The following WDR19 variants were observed in gnomAD, a reference collection of about 807,000 sequenced individuals.
The protein encoded by WDR19 is WD repeat-containing protein 19.
WDR19 carries 121 observed loss-of-function variants against 180.0 expected under a neutral mutation model. That is an observed-to-expected ratio of 0.67 (90% CI 0.58 to 0.78). The LOEUF (loss-of-function observed/expected upper bound fraction) is 0.78. Ranked by LOEUF, WDR19 falls within the 30% of genes least tolerant of loss-of-function variation. The pLI, the probability that WDR19 is intolerant of heterozygous loss-of-function variation, is 0.00. For synonymous variants in WDR19, 497 were observed against 540.7 expected (o/e 0.92, Z 1.12); for missense variants, 1,450 against 1,640.7 (o/e 0.88, Z 2.01).
intron 33 of WDR19, chr4:39,275,339 C>CAAAAAAAA: frequency 9.6e-6 from 1 of 103,638 alleles, no homozygotes; most frequent in Non-Finnish European, 1.9e-5. Flanking sequence ...GACCCCATCT[C>CAAAAAAAA]AAAAAAAAAA....
intron 24 of WDR19, among the ~76,000 whole-genome samples, chr4:39,246,740 G>A (rs772299352): frequency 4.6e-5 from 7 of 152,288 alleles, no homozygotes; most frequent in South Asian, 4.1e-4. Flanking sequence ...CTACACCCAC[G>A]GAGCCTCACT....
Position 39,185,803 on chromosome 4 carries a change from C to T in WDR19, c.84C>T (p.Tyr28=). 1 of 1,553,130 alleles carries T rather than the reference C, an allele frequency of 6.4e-7. No individual in the cohort carries two copies. Among genetic ancestry groups the T allele is most frequent in the East Asian group, 2.4e-5 (1 of 41,302 alleles). Residue 28 remains tyrosine (Y), a synonymous_variant, in exon 2 of 37, where the codon TAC becomes TAT. Coordinates refer to ENST00000399820, the MANE Select transcript of WDR19 (RefSeq NM_025132.4). ...CCTGGCAAAAAACATCAGGAAACTA[C>T]CTTGCAGTAACAGGGTAAGAAACCA... ...QFAWQKTSGN[Y]LAVTGADYIV...
intron 14 of WDR19, among the ~76,000 whole-genome samples, chr4:39,220,559 G>GGTTTT (rs1491452795): frequency 2.5e-5 from 1 of 39,806 alleles, no homozygotes; most frequent in African/African-American, 9.2e-5. Context: ...AGACCTCCTT[G>GGTTTT]ATTTTTTTTT....
intron 19 of WDR19, 134 bp from the exon 20 acceptor site, chr4:39,234,632 T>G (rs994031423): frequency 1.5e-6 from 1 of 675,504 alleles, no homozygotes; most frequent in East Asian, 2.8e-5. Flanking sequence ...AGTAATATAT[T>G]ATCATTGTAA....
chr4:39,253,110 T>C (rs1164839754), intron 24 of WDR19, 36 bp from the exon 25 acceptor site: 1 of 1,540,558 alleles, frequency 6.5e-7, no homozygotes, highest in African/African-American at 1.4e-5. Context: ...AAATTGACAG[T>C]GTTAAAAAAA....
At chr4:39,270,460 C>CTT (rs752069503) in intron 31 of WDR19, among the ~76,000 whole-genome samples, 2 of 152,218 alleles carry the variant, frequency 1.3e-5, no homozygotes, top group Admixed American at 6.5e-5. Context: ...ACTGCAACCT[C>CTT]TGCCTCCCAG....
intron 24 of WDR19, among the ~76,000 whole-genome samples, chr4:39,246,085 G>A (rs1732489114): frequency 1.3e-5 from 2 of 152,192 alleles, no homozygotes; most frequent in South Asian, 4.1e-4. Flanking sequence ...TGTATTTGAT[G>A]TAAACATGAA....
intron 14 of WDR19, among the ~76,000 whole-genome samples, chr4:39,224,486 T>C (rs911745557): frequency 6.6e-6 from 1 of 152,132 alleles, no homozygotes. Flanking sequence ...GTTCAAGCAA[T>C]TCTCCTGCCT....
chr4:39,266,009 T>C, intron 28 of WDR19, 54 bp from the exon 29 acceptor site: 2 of 1,455,290 alleles, frequency 1.4e-6, no homozygotes, highest in South Asian at 2.4e-5. Context: ...TTTTCTCCAC[T>C]CTTGCTCGGT....
At chr4:39,263,202 G>A (rs1484860553) in intron 28 of WDR19, among the ~76,000 whole-genome samples, 2 of 152,026 alleles carry the variant, frequency 1.3e-5, no homozygotes, top group African/African-American at 4.8e-5. Flanking sequence ...CCTCAGGTGA[G>A]TTGGGAGAGT....
At chr4:39,242,111 C>T (rs537270882) in intron 21 of WDR19, among the ~76,000 whole-genome samples, 1 of 152,088 alleles carries the variant, frequency 6.6e-6, no homozygotes, top group Non-Finnish European at 1.5e-5. Context: ...CTGTTGCCCA[C>T]ACTGGGGTGC....
chr4:39,284,146 C>T (rs1270490193), intron 36 of WDR19, among the ~76,000 whole-genome samples: 2 of 123,124 alleles, frequency 1.6e-5, no homozygotes, highest in Admixed American at 1.5e-4. Context: ...ATTATTTCTT[C>T]AATCACTTTT....
intron 6 of WDR19, among the ~76,000 whole-genome samples, chr4:39,200,409 G>A (rs1463759981): frequency 6.6e-6 from 1 of 152,216 alleles, no homozygotes; most frequent in Non-Finnish European, 1.5e-5. Context: ...CTACAAGCCT[G>A]CAATCGTGTT....
chr4:39,276,785 A>C (rs1009199619), intron 33 of WDR19, among the ~76,000 whole-genome samples: 3 of 152,192 alleles, frequency 2.0e-5, no homozygotes, highest in African/African-American at 7.2e-5. Context: ...TATGAACTCC[A>C]GTTCCCAAAG....
rs1244075498 is a variant in WDR19 at position 39,203,732 on chromosome 4, C to CT, written c.603+11dup. On this transcript the variant is annotated intron_variant, in intron 7 of 36. Coordinates refer to ENST00000399820, the MANE Select transcript of WDR19 (RefSeq NM_025132.4). The stretch of plus-strand genomic sequence containing the variant: ...TGCTGCTGAAAGCATGGTAAGAATT[C>CT]TAATCAAATCCACGTGCAAATCATT... 6.2e-7 allele frequency: 1 copy of CT among 1,606,560 alleles called. No individual in the cohort carries two copies. The highest frequency in any genetic ancestry group is 8.5e-7 in the Non-Finnish European group (1 of 1,175,766).
At chr4:39,279,909 G>C (rs370091261) in intron 36 of WDR19, among the ~76,000 whole-genome samples, 5 of 151,860 alleles carry the variant, frequency 3.3e-5, no homozygotes, top group African/African-American at 9.6e-5. Context: ...CACCATGTTG[G>C]CCAGGCTGGT....
rs750106753 is a variant in WDR19, at chr4:39,240,264, AT to A, written c.2364-4del. The A allele has an allele frequency of 4.2e-4, 517 of 1,245,550 alleles. No individual in the cohort carries two copies. The highest frequency in any genetic ancestry group is 3.4e-3 in the African/African-American group (210 of 61,782). 77.2% of individuals were successfully genotyped at this position (1,245,550 alleles called of 1,614,324 possible). On this transcript the variant is annotated splice_polypyrimidine_tract_variant and intron_variant, in intron 20 of 36. Coordinates refer to ENST00000399820, the MANE Select transcript of WDR19 (RefSeq NM_025132.4). ...ATTAAAATTATTAAAATTCACTCTT[AT>A]TTTTTTTTCAGGGGTGATTATGTAA...
intron 33 of WDR19, among the ~76,000 whole-genome samples, chr4:39,276,096 G>A (rs923700085): frequency 6.6e-6 from 1 of 152,138 alleles, no homozygotes; most frequent in Non-Finnish European, 1.5e-5. Flanking sequence ...ATTACATTAT[G>A]ACGAGACCCA....
At chr4:39,279,646 A>G (rs1013275730) in intron 36 of WDR19, among the ~76,000 whole-genome samples, 3 of 150,098 alleles carry the variant, frequency 2.0e-5, no homozygotes, top group African/African-American at 7.4e-5. Flanking sequence ...CCATCAGCAC[A>G]CAAGCGTTCG....
Sources: allele counts gnomAD v4.1 joint callset (sites outside exome capture counted in the v4.1 genomes callset), GRCh38; gene constraint gnomAD v4.1.1; transcripts MANE v1.5; gene names NCBI Gene and HGNC (gene_info 2026-07-23, HGNC 2026-07-21).